Variants in TF observed in about 807,000 individuals in gnomAD.
The protein encoded by TF is transferrin, also known as serotransferrin.
Under a neutral mutation model 82.4 loss-of-function variants are expected in TF, and 55 were observed. That is an observed-to-expected ratio of 0.67 (90% confidence interval 0.54 to 0.84). TF has a LOEUF of 0.84. Among genes scored for constraint, TF ranks in the 40% least tolerant of loss-of-function variants. TF has a pLI of 0.00. For synonymous variants in TF, 332 were observed against 332.6 expected, an observed-to-expected ratio of 1.00 and a Z score of 0.02; for missense variants, 737 against 868.4, an observed-to-expected ratio of 0.85 and a Z score of 1.90.
At chr3:133,748,310 C>G in intron 1 of TF, 102 bp from the exon 2 acceptor site, 3 of 1,381,312 alleles carry the variant, frequency 2.2e-6, no homozygotes, top group Non-Finnish European at 2.0e-6. Context: ...GAGAGGAGGA[C>G]AGGACTGAGG....
At chr3:133,677,853 T>A in the TF span, among the ~76,000 whole-genome samples, 16 of 152,002 alleles carry the variant, frequency 1.1e-4, no homozygotes, top group Non-Finnish European at 2.1e-4. Flanking sequence ...CCAGCTAATT[T>A]AAAAAAAAAA....
the TF span, chr3:133,699,971 T>C: frequency 5.5e-5 from 10 of 181,674 alleles, no homozygotes; most frequent in Admixed American, 1.7e-4. Flanking sequence ...CCATGGCATG[T>C]GATCCTGCCC....
intron 5 of TF, 139 bp downstream of exon 5, chr3:133,755,634 A>C: frequency 1.6e-6 from 2 of 1,222,534 alleles, no homozygotes; most frequent in Non-Finnish European, 2.3e-6. Context: ...GTGAGTCAGA[A>C]GCACAACCTG....
intron 13 of TF, 21 bp from the exon 14 acceptor site, chr3:133,770,487 C>G: frequency 6.2e-7 from 1 of 1,613,428 alleles, no homozygotes; most frequent in South Asian, 1.1e-5. Flanking sequence ...TTTTTTCTCT[C>G]CCACTTCTGG....
Position 133,782,882 on chromosome 3 carries a change from T to C in TF, c.*4262T>C, listed in dbSNP as rs1934550514. On this transcript the variant is annotated 3_prime_UTR_variant, in exon 17 of 17. Coordinates refer to ENST00000402696, the MANE Select transcript of TF (RefSeq NM_001063.4). ...CAAAACACACACACACAAAAAAAAT[T>C]AGCGAGGAGTGCTGGTGCCCACCTG... 6.6e-6 allele frequency: 1 copy of C among 150,416 alleles called. No individual in the cohort carries two copies. Among genetic ancestry groups the C allele is most frequent in the Non-Finnish European group, 1.5e-5 (1 of 67,804 alleles). The allele number at this position is 150,416 out of a possible 1,614,324, so 9.3% of individuals were successfully genotyped here. A position where few individuals can be genotyped will look rare whatever the true frequency, so the allele number is the denominator to read the frequency against.
chr3:133,677,130 C>G, the TF span, among the ~76,000 whole-genome samples: 6 of 152,254 alleles, frequency 3.9e-5, no homozygotes, highest in African/African-American at 1.4e-4. Context: ...TTGGCCTCCA[C>G]CTCCTTTCTC....
the TF span, among the ~76,000 whole-genome samples, chr3:133,725,440 T>G: frequency 1.9e-4 from 29 of 152,112 alleles, no homozygotes; most frequent in Non-Finnish European, 4.4e-5. Context: ...AGTTCACTCA[T>G]GATTTGGCTC....
chr3:133,673,026 T>C, the TF span, among the ~76,000 whole-genome samples: 5 of 152,144 alleles, frequency 3.3e-5, no homozygotes, highest in African/African-American at 9.7e-5. Context: ...AGCAAAAATT[T>C]TGCATAATGG....
At chr3:133,676,820 G>A in the TF span, among the ~76,000 whole-genome samples, 2 of 152,250 alleles carry the variant, frequency 1.3e-5, no homozygotes, top group Non-Finnish European at 2.9e-5. Flanking sequence ...TCCTGGCAAT[G>A]TCAGGCTCTG....
chr3:133,769,748 G>A (rs987826184), intron 13 of TF, among the ~76,000 whole-genome samples: 1 of 152,200 alleles, frequency 6.6e-6, no homozygotes. Flanking sequence ...GCTCATTGAG[G>A]AGGGCCTTGT....
chr3:133,778,541 T>C (rs1934451766), intron 16 of TF, 45 bp from the exon 17 acceptor site: 4 of 1,604,282 alleles, frequency 2.5e-6, no homozygotes, highest in Non-Finnish European at 3.4e-6. Context: ...CAGAAATAAA[T>C]ATAGGAAGAT....
chr3:133,711,309 A>G, the TF span, among the ~76,000 whole-genome samples: 7 of 152,214 alleles, frequency 4.6e-5, no homozygotes, highest in Non-Finnish European at 8.8e-5. Flanking sequence ...AATTGTCAAC[A>G]CAGATCTCTC....
chr3:133,757,155 G>T, intron 7 of TF, 146 bp downstream of exon 7: 1 of 1,132,782 alleles, frequency 8.8e-7, no homozygotes, highest in South Asian at 1.3e-5. Context: ...TTCTCTAAAA[G>T]CTGGGACTCC....
the TF span, among the ~76,000 whole-genome samples, chr3:133,699,131 T>C: frequency 8.5e-3 from 1,293 of 152,366 alleles, 20 homozygotes; most frequent in African/African-American, 0.029. Flanking sequence ...TGGAGAGCCT[T>C]CAGCAAGTCT....
At chr3:133,665,959 G>A in the TF span, among the ~76,000 whole-genome samples, 2 of 142,952 alleles carry the variant, frequency 1.4e-5, no homozygotes, top group Middle Eastern at 3.6e-3. Context: ...AAAAAAGAAC[G>A]GGAAAGAAAA....
rs1294579257 is a variant in TF, at chr3:133,796,470, A to G, written c.*17850A>G. 1 of 152,286 alleles carries G rather than the reference A, an allele frequency of 6.6e-6. No individual in the cohort carries two copies. The highest frequency in any genetic ancestry group is 2.4e-5 in the African/African-American group (1 of 41,466). The allele number at this position is 152,286 out of a possible 1,614,324, so 9.4% of individuals were successfully genotyped here. A position where few individuals can be genotyped will look rare whatever the true frequency, so the allele number is the denominator to read the frequency against. ...GGAAACACTTCAGCTATGATGGGAA[A>G]TGTCTTCTGTATTTACATAGGGCAT... On this transcript the variant is annotated 3_prime_UTR_variant, in exon 17 of 17. Coordinates refer to ENST00000402696, the MANE Select transcript of TF (RefSeq NM_001063.4).
chr3:133,704,997 G>A, the TF span, among the ~76,000 whole-genome samples: 2 of 152,182 alleles, frequency 1.3e-5, no homozygotes, highest in Non-Finnish European at 2.9e-5. Context: ...GTGATGGGTC[G>A]GGCGTGGTGG....
At chr3:133,671,697 C>G in the TF span, among the ~76,000 whole-genome samples, 33 of 151,358 alleles carry the variant, frequency 2.2e-4, 1 homozygote, top group African/African-American at 6.1e-4. Flanking sequence ...GGAGGCTGAG[C>G]CAGGAGAATC....
upstream of TF, chr3:133,746,346 G>A (rs1261123665): frequency 1.4e-5 from 20 of 1,457,414 alleles, no homozygotes; most frequent in Non-Finnish European, 1.8e-5. Flanking sequence ...CGCCCAGCCC[G>A]CCCAGGCCGG....
Sources: gnomAD v4.1 joint callset for allele counts (sites outside exome capture counted in the v4.1 genomes callset) on GRCh38, gnomAD v4.1.1 for gene constraint, MANE v1.5 for transcripts, NCBI Gene and HGNC (gene_info 2026-07-23, HGNC 2026-07-21) for gene names.